ADAMTS16: variants seen among roughly 807,000 people sequenced by gnomAD.
The protein encoded by ADAMTS16 is A disintegrin and metalloproteinase with thrombospondin motifs 16.
ADAMTS16 carries 94 observed loss-of-function variants against 145.8 expected under a neutral mutation model. That is an observed-to-expected ratio of 0.64 (90% CI 0.55 to 0.77). The LOEUF (loss-of-function observed/expected upper bound fraction) is 0.77. ADAMTS16 is among the 30% of genes least tolerant of loss of function. ADAMTS16 has a pLI of 0.00. For synonymous variants in ADAMTS16, 659 were observed against 604.3 expected, an observed-to-expected ratio of 1.09 and a Z score of -1.33; for missense variants, 1,585 against 1,591.5, an observed-to-expected ratio of 1.00 and a Z score of 0.07.
At chr5:5,311,006 C>A (rs1044814239) in intron 21 of ADAMTS16, among the ~76,000 whole-genome samples, 10 of 152,094 alleles carry the variant, frequency 6.6e-5, no homozygotes, top group African/African-American at 2.4e-4. Context: ...TCACTGAATG[C>A]CCGTGGCTTC....
rs185408077 is a variant in ADAMTS16, at chr5:5,161,336, T to C, written c.501+14881T>C. ...AGGTCATTTTTGTTTGATCTTGATT[T>C]CAAAGTCAACAACAACCAACTTCTT... On this transcript the variant is annotated intron_variant, in intron 3 of 22. Coordinates refer to ENST00000274181, the MANE Select transcript of ADAMTS16 (RefSeq NM_139056.4). 7.6e-4 allele frequency among the ~76,000 whole-genome samples: 116 copies of C among 152,324 alleles called. 1 individual carries two copies. The Middle Eastern group carries it at 0.017, about 22-fold the overall frequency.
Position 5,209,165 on chromosome 5 carries a change from A to C in ADAMTS16, c.1524A>C (p.Pro508=). 1 of 1,614,086 alleles carries C rather than the reference A, an allele frequency of 6.2e-7. No individual in the cohort carries two copies. ...VKEYKYPEKL[P]GELYDANTQC... ...AATACAAGTATCCTGAGAAATTGCC[A>C]GGAGAATTATATGATGCAAACACAC... Residue 508 remains proline (P), a synonymous_variant, in exon 10 of 23, where the codon CCA becomes CCC. Coordinates refer to ENST00000274181, the MANE Select transcript of ADAMTS16 (RefSeq NM_139056.4).
Position 5,315,987 on chromosome 5 carries a change from C to G in ADAMTS16, c.3412-2147C>G, listed in dbSNP as rs190497563. ...ACAGACAAACAGTTTCAGCTTGTGA[C>G]TTTCAGGGCCATTTGTGTCTCCAAC... On this transcript the variant is annotated intron_variant, in intron 21 of 22. Transcript: ENST00000274181. 1.4e-3 allele frequency among the ~76,000 whole-genome samples: 210 copies of G among 152,272 alleles called. 1 individual carries two copies. The highest frequency in any genetic ancestry group is 4.7e-3 in the African/African-American group (196 of 41,560).
At chr5:5,271,480 C>T (rs576893760) in intron 18 of ADAMTS16, among the ~76,000 whole-genome samples, 12 of 152,388 alleles carry the variant, frequency 7.9e-5, no homozygotes, top group Non-Finnish European at 1.6e-4. Flanking sequence ...GGCCCTCCCG[C>T]GGCTGCCCCG....
intron 16 of ADAMTS16, among the ~76,000 whole-genome samples, chr5:5,241,199 T>C (rs1418112546): frequency 6.6e-6 from 1 of 152,192 alleles, no homozygotes; most frequent in Non-Finnish European, 1.5e-5. Context: ...CAGCATGCAA[T>C]GCCTGTCAGG....
At chr5:5,197,493 A>G (rs1232309584) in intron 8 of ADAMTS16, among the ~76,000 whole-genome samples, 2 of 152,224 alleles carry the variant, frequency 1.3e-5, no homozygotes, top group Non-Finnish European at 2.9e-5. Flanking sequence ...GGCTGTGAGC[A>G]TGGATAAGAG....
At position 5,213,660 on chromosome 5, in the gene ADAMTS16, C is replaced by A; in HGVS notation, c.1605+4414C>A. ...TCTGGGCCCTGTGGTGTAGCCGGTA[C>A]TCTCGTGTGTGGTTCTTCCCCATGA... On this transcript the variant is annotated intron_variant, in intron 10 of 22. Coordinates refer to ENST00000274181, the MANE Select transcript of ADAMTS16 (RefSeq NM_139056.4). 1.3e-5 allele frequency among the ~76,000 whole-genome samples: 2 copies of A among 152,142 alleles called. 1 individual carries two copies. Among genetic ancestry groups the A allele is most frequent in the East Asian group, 3.9e-4 (2 of 5,194 alleles).
intron 18 of ADAMTS16, among the ~76,000 whole-genome samples, chr5:5,291,559 G>A (rs923873516): frequency 5.3e-5 from 8 of 152,178 alleles, no homozygotes; most frequent in African/African-American, 1.7e-4. Flanking sequence ...TGGAGACATT[G>A]GTGTCCCGTG....
intron 10 of ADAMTS16, among the ~76,000 whole-genome samples, chr5:5,215,734 A>G (rs896476994): frequency 1.4e-5 from 2 of 144,910 alleles, no homozygotes; most frequent in African/African-American, 2.6e-5. Context: ...TATATGTGGT[A>G]TATATATATA....
chr5:5,203,487 A>G (rs1428024), intron 9 of ADAMTS16, among the ~76,000 whole-genome samples: 21,454 of 152,176 alleles, frequency 0.14, 1,562 homozygotes, highest in Middle Eastern at 0.21. Flanking sequence ...GTAGTCTAGC[A>G]TTTGATAGTG....
At chr5:5,249,035 G>C (rs1196112893) in intron 17 of ADAMTS16, among the ~76,000 whole-genome samples, 3 of 152,164 alleles carry the variant, frequency 2.0e-5, no homozygotes, top group African/African-American at 7.2e-5. Flanking sequence ...TAAAGAAACA[G>C]GATAACCAGA....
chr5:5,273,666 C>A (rs184814298), intron 18 of ADAMTS16, among the ~76,000 whole-genome samples: 3 of 152,324 alleles, frequency 2.0e-5, no homozygotes, highest in Admixed American at 1.3e-4. Context: ...AAGATGACAC[C>A]TTACTGTGTC....
Position 5,318,176 on chromosome 5 carries a change from C to T in ADAMTS16, c.3454C>T (p.Gln1152Ter). 6.4e-7 allele frequency: 1 copy of T among 1,553,218 alleles called. No individual in the cohort carries two copies. Residue 1152 changes from glutamine to a stop codon, truncating the protein, a stop_gained, in exon 22 of 23, where the codon CAG becomes TAG. Transcript: ENST00000274181. LOFTEE classifies it high-confidence loss of function. ...GGGAGGCGTTCAGACGAGGTCCGTG[C>T]AGTGCCTGGCTGGGGGCCGGCCGGC... ...CGGGVQTRSV[Q>*]CLAGGRPASG...
intron 2 of ADAMTS16, among the ~76,000 whole-genome samples, chr5:5,142,708 CTAT>C (rs1393894236): frequency 6.6e-6 from 1 of 152,132 alleles, no homozygotes; most frequent in Non-Finnish European, 1.5e-5. Flanking sequence ...ATGACTCAAA[CTAT>C]TATTGCAAAT....
chr5:5,228,651 G>A (rs1401214226), intron 11 of ADAMTS16, among the ~76,000 whole-genome samples: 1 of 152,102 alleles, frequency 6.6e-6, no homozygotes, highest in Non-Finnish European at 1.5e-5. Flanking sequence ...ATAAATGGAT[G>A]ATTCCAGGCC....
intron 18 of ADAMTS16, among the ~76,000 whole-genome samples, chr5:5,277,018 CTT>C (rs1202656782): frequency 1.3e-5 from 2 of 152,176 alleles, no homozygotes; most frequent in Admixed American, 1.3e-4. Context: ...ACATTGCAGT[CTT>C]TTAAACCATG....
intron 18 of ADAMTS16, among the ~76,000 whole-genome samples, chr5:5,287,050 C>T (rs991923064): frequency 6.6e-6 from 1 of 151,984 alleles, no homozygotes; most frequent in African/African-American, 2.4e-5. Context: ...GGAACAGGAG[C>T]CAGGAGGTTA....
chr5:5,305,238 A>C (rs1740047083), intron 20 of ADAMTS16, among the ~76,000 whole-genome samples: 1 of 98,740 alleles, frequency 1.0e-5, no homozygotes, highest in African/African-American at 4.1e-5. Flanking sequence ...CACACCACAC[A>C]CACACAATCC....
intron 10 of ADAMTS16, among the ~76,000 whole-genome samples, chr5:5,221,469 T>C (rs926947577): frequency 6.6e-6 from 1 of 152,136 alleles, no homozygotes; most frequent in Non-Finnish European, 1.5e-5. Flanking sequence ...CTTATCACAA[T>C]GGCGAGGATC....
Sources: gnomAD v4.1 joint callset for allele counts (sites outside exome capture counted in the v4.1 genomes callset) on GRCh38, gnomAD v4.1.1 for gene constraint, MANE v1.5 for transcripts, NCBI Gene and HGNC (gene_info 2026-07-23, HGNC 2026-07-21) for gene names.